PACSIN2: variants seen among roughly 807,000 people sequenced by gnomAD.
PACSIN2 encodes the protein protein kinase C and casein kinase substrate in neurons 2.
In PACSIN2, 25 loss-of-function variants were observed where a neutral mutation model predicts 63.8. The ratio of observed to expected loss-of-function variants is 0.39; its 90% confidence interval spans 0.29 to 0.55. The LOEUF is 0.55. Ranked by LOEUF, PACSIN2 falls within the 20% of genes least tolerant of loss-of-function variation. The probability of loss-of-function intolerance (pLI) is 0.62; values close to 1 mark genes in which losing one functional copy is unlikely to be tolerated. For synonymous variants in PACSIN2, 255 were observed against 256.2 expected (o/e 1.00, Z 0.05); for missense variants, 518 against 646.9 (o/e 0.80, Z 2.16).
chr22:42,980,425 C>G (rs1922003781), intron 1 of PACSIN2, among the ~76,000 whole-genome samples: 2 of 151,690 alleles, frequency 1.3e-5, no homozygotes, highest in Admixed American at 6.6e-5. Flanking sequence ...ACACTCCAGC[C>G]TGGGCGACAG....
At chr22:42,883,276 A>G (rs9611953) in intron 6 of PACSIN2, among the ~76,000 whole-genome samples, 66,826 of 151,958 alleles carry the variant, frequency 0.44, 15,220 homozygotes, top group Non-Finnish European at 0.48. Flanking sequence ...CATCAATAAG[A>G]TGGGGTCAGT....
chr22:42,985,097 G>A (rs998882997), intron 1 of PACSIN2, among the ~76,000 whole-genome samples: 3 of 152,234 alleles, frequency 2.0e-5, no homozygotes, highest in African/African-American at 7.2e-5. Context: ...GGGAGGCCAA[G>A]GTGAGAGGAT....
intron 1 of PACSIN2, among the ~76,000 whole-genome samples, chr22:42,951,473 G>A (rs1019342531): frequency 3.9e-5 from 6 of 152,072 alleles, no homozygotes; most frequent in African/African-American, 4.8e-5. Context: ...CTCCAGATCC[G>A]GCATGGCCCG....
At chr22:42,905,849 G>A (rs1301224863) in intron 2 of PACSIN2, among the ~76,000 whole-genome samples, 2 of 152,224 alleles carry the variant, frequency 1.3e-5, no homozygotes, top group Non-Finnish European at 2.9e-5. Flanking sequence ...CCTAAAAGCA[G>A]GAAGCCGCCT....
At chr22:42,935,589 C>T (rs1055534554) in intron 1 of PACSIN2, among the ~76,000 whole-genome samples, 4 of 152,204 alleles carry the variant, frequency 2.6e-5, no homozygotes, top group Non-Finnish European at 5.9e-5. Flanking sequence ...TCTTTTGCAA[C>T]ACAAATTATT....
chr22:42,985,626 A>G (rs1304575573), intron 1 of PACSIN2, among the ~76,000 whole-genome samples: 1 of 152,154 alleles, frequency 6.6e-6, no homozygotes. Context: ...CATAAAGATA[A>G]CAGGACAAAG....
At chr22:42,882,724 C>T (rs542530522) in intron 6 of PACSIN2, among the ~76,000 whole-genome samples, 9 of 152,324 alleles carry the variant, frequency 5.9e-5, no homozygotes, top group East Asian at 3.9e-4. Flanking sequence ...CAATGCAGAG[C>T]GTGAAGATGA....
At chr22:42,923,419 CCTT>C (rs757938004) in intron 1 of PACSIN2, among the ~76,000 whole-genome samples, 37 of 152,184 alleles carry the variant, frequency 2.4e-4, no homozygotes, top group Admixed American at 5.9e-4. Context: ...AACTATTTCT[CCTT>C]CTTCTTCTTT....
At chr22:42,970,725 T>C (rs1921193214) in intron 1 of PACSIN2, among the ~76,000 whole-genome samples, 1 of 152,210 alleles carries the variant, frequency 6.6e-6, no homozygotes, top group African/African-American at 2.4e-5. Context: ...TCAAATGATT[T>C]GTTAAAATCT....
chr22:42,970,941 C>T lies in PACSIN2; in HGVS notation c.-78+44080G>A, dbSNP rs115830011. ...AGCGACCCAGGCTCCCTGCACCACC[C>T]TGCCCTGCCCCCAGCCTCTCCACAG... On this transcript the variant is annotated intron_variant, in intron 1 of 10. Transcript: ENST00000263246. Among the ~76,000 whole-genome samples, 1,193 of 152,300 alleles carry T rather than the reference C, an allele frequency of 7.8e-3. 12 individuals are homozygous for T. The highest frequency in any genetic ancestry group is 0.026 in the African/African-American group (1,069 of 41,562).
chr22:42,984,852 A>C (rs561339340), intron 1 of PACSIN2, among the ~76,000 whole-genome samples: 1 of 152,254 alleles, frequency 6.6e-6, no homozygotes, highest in East Asian at 1.9e-4. Flanking sequence ...TGAGACCCCA[A>C]AAGAGGCAAC....
At chr22:42,942,508 GTTTT>G (rs897424965) in intron 1 of PACSIN2, among the ~76,000 whole-genome samples, 3 of 151,626 alleles carry the variant, frequency 2.0e-5, no homozygotes, top group African/African-American at 7.3e-5. Context: ...TTTTTTAAAC[GTTTT>G]TTTAATTAAA....
At chr22:42,933,576 A>C (rs571773879) in intron 1 of PACSIN2, among the ~76,000 whole-genome samples, 1 of 152,280 alleles carries the variant, frequency 6.6e-6, no homozygotes, top group Admixed American at 6.5e-5. Flanking sequence ...TCCCAAGCAA[A>C]AGCAGCAGCC....
chr22:42,960,028 T>C (rs1267513517), intron 1 of PACSIN2: 2 of 152,136 alleles, frequency 1.3e-5, no homozygotes, highest in Non-Finnish European at 2.9e-5. Context: ...ACAGAAGAGC[T>C]CTCTTTTCAG....
chr22:42,991,943 C>T (rs1288532025), intron 1 of PACSIN2, among the ~76,000 whole-genome samples: 8 of 151,912 alleles, frequency 5.3e-5, no homozygotes, highest in South Asian at 4.2e-4. Flanking sequence ...ACATTTGTGA[C>T]CTGGGATTAG....
chr22:42,935,599 T>G (rs1414409841), intron 1 of PACSIN2, among the ~76,000 whole-genome samples: 1 of 152,236 alleles, frequency 6.6e-6, no homozygotes, highest in Non-Finnish European at 1.5e-5. Context: ...CACAAATTAT[T>G]CATCAAGTCC....
At chr22:42,975,414 T>C (rs1207072433) in intron 1 of PACSIN2, among the ~76,000 whole-genome samples, 1 of 147,552 alleles carries the variant, frequency 6.8e-6, no homozygotes, top group Non-Finnish European at 1.5e-5. Context: ...AGCTCAGGAG[T>C]TCGGGCAAGA....
chr22:42,936,910 C>CA (rs35446412), intron 1 of PACSIN2, among the ~76,000 whole-genome samples: 1,484 of 129,610 alleles, frequency 0.011, 35 homozygotes, highest in African/African-American at 0.041. Context: ...GACTCTGCCT[C>CA]AAAAAAAGGG....
chr22:42,901,901 G>C (rs1266587880), intron 2 of PACSIN2, among the ~76,000 whole-genome samples: 2 of 152,174 alleles, frequency 1.3e-5, no homozygotes, highest in African/African-American at 4.8e-5. Context: ...GTTCAGCTCG[G>C]ACCAGCTGGC....
Sources: allele counts gnomAD v4.1 joint callset (sites outside exome capture counted in the v4.1 genomes callset), GRCh38; gene constraint gnomAD v4.1.1; transcripts MANE v1.5; gene names NCBI Gene and HGNC (gene_info 2026-07-23, HGNC 2026-07-21).